The following METTL24 variants were observed in gnomAD, a reference collection of about 807,000 sequenced individuals.
METTL24 encodes the protein probable methyltransferase-like protein 24.
A neutral mutation model predicts 32.7 loss-of-function variants in METTL24; 29 were observed. The ratio of observed to expected loss-of-function variants is 0.89; its 90% confidence interval spans 0.66 to 1.21. The LOEUF is 1.21. Among genes scored for constraint, METTL24 ranks in the 50% most tolerant of loss-of-function variants. The pLI, the probability that METTL24 is intolerant of heterozygous loss-of-function variation, is 0.00. For missense variants in METTL24, 439 were observed against 468.1 expected (o/e 0.94, Z 0.57); for synonymous variants, 163 against 179.5 (o/e 0.91, Z 0.73).
chr6:110,335,337 T>C (rs1381431179), intron 1 of METTL24, among the ~76,000 whole-genome samples: 1 of 152,130 alleles, frequency 6.6e-6, no homozygotes, highest in Non-Finnish European at 1.5e-5. Flanking sequence ...AGATTGGAAA[T>C]AACGAGAGTA....
At chr6:110,336,693 T>C (rs1772238175) in intron 1 of METTL24, among the ~76,000 whole-genome samples, 1 of 146,344 alleles carries the variant, frequency 6.8e-6, no homozygotes, top group South Asian at 2.1e-4. Context: ...GAGCTGAGAT[T>C]GCGCCACTGC....
rs1353563267 is a variant in METTL24, at chr6:110,298,933, C to T, written c.775G>A (p.Gly259Arg). The T allele has an allele frequency of 6.8e-6, 11 of 1,613,836 alleles. No individual in the cohort carries two copies. Among genetic ancestry groups the T allele is most frequent in the Non-Finnish European group, 9.3e-6 (11 of 1,179,940 alleles). ...RKLGSILNEF[G>R]HHKIDVLKAD... ...ATGAAAAACCTCACCTTGTGATGTC[C>T]AAATTCATTCAAAATGCTTCCCAGT... Residue 259 changes from glycine to arginine, a missense_variant, in exon 4 of 5, where the codon GGA (glycine) becomes AGA (arginine). Physicochemically the swap from Gly to Arg is moderately radical, Grantham distance 125. Transcript: ENST00000338882.
chr6:110,270,697 G>C (rs1770941555), intron 4 of METTL24, among the ~76,000 whole-genome samples: 1 of 152,118 alleles, frequency 6.6e-6, no homozygotes, highest in Admixed American at 6.5e-5. Context: ...ATATTAGCAA[G>C]TTTAAGTTAC....
intron 4 of METTL24, among the ~76,000 whole-genome samples, chr6:110,270,650 T>C (rs1234761954): frequency 1.3e-5 from 2 of 152,132 alleles, no homozygotes; most frequent in Admixed American, 6.5e-5. Flanking sequence ...TAATAATATT[T>C]GAACTTCCTG....
chr6:110,353,981 G>C (rs769180930), intron 1 of METTL24, among the ~76,000 whole-genome samples: 3 of 152,100 alleles, frequency 2.0e-5, no homozygotes, highest in Non-Finnish European at 4.4e-5. Flanking sequence ...AGAAAACAGA[G>C]AGAAAATAAA....
intron 4 of METTL24, among the ~76,000 whole-genome samples, chr6:110,287,082 A>G (rs6911839): frequency 0.011 from 1,599 of 152,282 alleles, 30 homozygotes; most frequent in African/African-American, 0.037. Flanking sequence ...GATGTAGTTA[A>G]TTCTGTCATC....
intron 4 of METTL24, among the ~76,000 whole-genome samples, chr6:110,255,598 A>G (rs963932875): frequency 2.6e-5 from 4 of 152,118 alleles, no homozygotes; most frequent in Non-Finnish European, 4.4e-5. Flanking sequence ...TTCTGTCTTC[A>G]TTTCTACCCT....
At chr6:110,297,533 G>A (rs1031831007) in intron 4 of METTL24, among the ~76,000 whole-genome samples, 1 of 152,076 alleles carries the variant, frequency 6.6e-6, no homozygotes, top group Admixed American at 6.5e-5. Context: ...ACTCCTAACT[G>A]AACACAAAGA....
At chr6:110,281,031 A>C (rs1277583114) in intron 4 of METTL24, among the ~76,000 whole-genome samples, 1 of 152,128 alleles carries the variant, frequency 6.6e-6, no homozygotes, top group African/African-American at 2.4e-5. Flanking sequence ...TTTCCTTTGG[A>C]GTTCTCTATT....
intron 4 of METTL24, among the ~76,000 whole-genome samples, chr6:110,264,565 A>G (rs543383679): frequency 9.2e-5 from 14 of 152,312 alleles, no homozygotes; most frequent in African/African-American, 2.2e-4. Context: ...TCAGTGTGGC[A>G]ATTCCTCAGG....
intron 4 of METTL24, among the ~76,000 whole-genome samples, chr6:110,295,013 C>CTTTTTTTTTT (rs1195740747): frequency 1.0e-4 from 8 of 78,126 alleles, no homozygotes; most frequent in African/African-American, 2.2e-4. Context: ...TTCTTTCTTT[C>CTTTTTTTTTT]TTTTTTTTTT....
intron 1 of METTL24, among the ~76,000 whole-genome samples, chr6:110,340,055 A>G (rs1213809208): frequency 1.3e-5 from 2 of 152,242 alleles, no homozygotes; most frequent in African/African-American, 4.8e-5. Flanking sequence ...AGCATAGAAC[A>G]GGCACTTATT....
At chr6:110,306,066 G>A (rs886556700) in intron 3 of METTL24, among the ~76,000 whole-genome samples, 4 of 149,700 alleles carry the variant, frequency 2.7e-5, no homozygotes, top group Admixed American at 6.7e-5. Flanking sequence ...TCAGCAAACC[G>A]AACACCACAT....
chr6:110,279,547 T>C (rs6934170), intron 4 of METTL24, among the ~76,000 whole-genome samples: 11,938 of 152,162 alleles, frequency 0.078, 496 homozygotes, highest in South Asian at 0.16. Flanking sequence ...ATCCAACAAT[T>C]GGGAAGTGGT....
At chr6:110,283,971 T>C (rs1033699529) in intron 4 of METTL24, among the ~76,000 whole-genome samples, 1 of 152,178 alleles carries the variant, frequency 6.6e-6, no homozygotes, top group African/African-American at 2.4e-5. Context: ...AATCTATACA[T>C]ATGGCAAAAA....
At chr6:110,302,126 AC>A (rs1771527055) in intron 3 of METTL24, among the ~76,000 whole-genome samples, 1 of 151,850 alleles carries the variant, frequency 6.6e-6, no homozygotes, top group Non-Finnish European at 1.5e-5. Context: ...AAATACAAAA[AC>A]ATTAGCCAGG....
chr6:110,337,126 A>C (rs142028562), intron 1 of METTL24, among the ~76,000 whole-genome samples: 134 of 152,350 alleles, frequency 8.8e-4, no homozygotes, highest in African/African-American at 2.5e-3. Flanking sequence ...TTGCAGGAAC[A>C]TAGATGGAGC....
At chr6:110,307,492 C>T (rs1266530948) in intron 3 of METTL24, among the ~76,000 whole-genome samples, 3 of 152,276 alleles carry the variant, frequency 2.0e-5, no homozygotes, top group Non-Finnish European at 4.4e-5. Flanking sequence ...AGGTCTTAGA[C>T]AACTAGTCCA....
At chr6:110,276,017 G>T (rs905204056) in intron 4 of METTL24, among the ~76,000 whole-genome samples, 4 of 152,046 alleles carry the variant, frequency 2.6e-5, no homozygotes, top group African/African-American at 9.7e-5. Flanking sequence ...ATGCCCTCTG[G>T]CCACAGCTGT....
Sources: allele counts gnomAD v4.1 joint callset (sites outside exome capture counted in the v4.1 genomes callset), GRCh38; gene constraint gnomAD v4.1.1; transcripts MANE v1.5; gene names NCBI Gene and HGNC (gene_info 2026-07-23, HGNC 2026-07-21).